Variants in SV2C observed in about 807,000 individuals in gnomAD.
SV2C encodes synaptic vesicle glycoprotein 2C, also known as solute carrier family 22 member B3.
Under a neutral mutation model 79.7 loss-of-function variants are expected in SV2C, and 49 were observed. That is an observed-to-expected ratio of 0.61 (90% CI 0.49 to 0.78). The LOEUF is 0.78. Among genes scored for constraint, SV2C ranks in the 30% least tolerant of loss-of-function variants. The pLI is 0.00. For missense variants in SV2C, 833 were observed against 912.9 expected, an observed-to-expected ratio of 0.91 and a Z score of 1.13; for synonymous variants, 334 against 333.2, an observed-to-expected ratio of 1.00 and a Z score of -0.03.
rs1476687795 is a variant in SV2C at position 76,132,044 on chromosome 5, T to C, written c.294T>C (p.Ser98=). 1 of 1,611,938 alleles carries C rather than the reference T, an allele frequency of 6.2e-7. No homozygotes were observed. The highest frequency in any genetic ancestry group is 8.5e-7 in the Non-Finnish European group (1 of 1,178,894). The change falls in exon 2 of 13, where the codon AGT becomes AGC. Residue 98 remains serine, a synonymous_variant. Coordinates refer to ENST00000502798, the MANE Select transcript of SV2C (RefSeq NM_014979.4). ...AGGGGGAGTATCAGGGCATCCCCAG[T>C]ATGAACCAAGCGAAGGACAGCATCG... The part of the protein sequence containing the change: ...IYEGEYQGIP[S]MNQAKDSIVS...
chr5:76,304,799 C>T (rs1219678780), intron 12 of SV2C, among the ~76,000 whole-genome samples: 1 of 152,146 alleles, frequency 6.6e-6, no homozygotes, highest in Non-Finnish European at 1.5e-5. Context: ...CAGGGAGAAG[C>T]CCTCATGACC....
chr5:75,920,401 C>T, the SV2C span, among the ~76,000 whole-genome samples: 5 of 152,142 alleles, frequency 3.3e-5, no homozygotes, highest in Non-Finnish European at 5.9e-5. Context: ...AAAATAAATG[C>T]AGTTGCATGG....
chr5:76,074,445 A>G, the SV2C span, among the ~76,000 whole-genome samples: 1 of 152,304 alleles, frequency 6.6e-6, no homozygotes, highest in Admixed American at 6.5e-5. Flanking sequence ...AGATGTGCAG[A>G]TAATATAGGA....
At chr5:75,915,073 C>T in the SV2C span, among the ~76,000 whole-genome samples, 1 of 152,156 alleles carries the variant, frequency 6.6e-6, no homozygotes, top group Non-Finnish European at 1.5e-5. Flanking sequence ...GGAAAGATCC[C>T]CCCATGATTC....
At chr5:75,892,891 G>T in the SV2C span, among the ~76,000 whole-genome samples, 17 of 152,176 alleles carry the variant, frequency 1.1e-4, no homozygotes, top group Middle Eastern at 3.4e-3. Flanking sequence ...ACATATGAGT[G>T]CATGTGTCTT....
the SV2C span, among the ~76,000 whole-genome samples, chr5:75,978,124 T>C: frequency 6.6e-6 from 1 of 152,212 alleles, no homozygotes; most frequent in South Asian, 2.1e-4. Context: ...AGGTCACCAA[T>C]GACCCCCATA....
the SV2C span, among the ~76,000 whole-genome samples, chr5:75,899,327 C>T: frequency 6.6e-6 from 1 of 152,084 alleles, no homozygotes; most frequent in Non-Finnish European, 1.5e-5. Flanking sequence ...TCGTTATGTA[C>T]CCAGTAGTCA....
the SV2C span, among the ~76,000 whole-genome samples, chr5:75,931,725 A>G: frequency 6.6e-6 from 1 of 152,214 alleles, no homozygotes; most frequent in Non-Finnish European, 1.5e-5. Context: ...CACTTGGATA[A>G]ATAAAATTTG....
chr5:76,017,325 C>T, the SV2C span, among the ~76,000 whole-genome samples: 70 of 152,216 alleles, frequency 4.6e-4, no homozygotes, highest in Middle Eastern at 3.4e-3. Flanking sequence ...CTTGCTCTGT[C>T]GCCCAGGCTG....
chr5:76,259,531 A>G (rs765878101), intron 4 of SV2C, among the ~76,000 whole-genome samples: 7 of 152,130 alleles, frequency 4.6e-5, no homozygotes, highest in Admixed American at 3.9e-4. Context: ...TGCTGCACCC[A>G]TCAACCTGTC....
chr5:75,928,257 T>C, the SV2C span, among the ~76,000 whole-genome samples: 10 of 152,188 alleles, frequency 6.6e-5, no homozygotes, highest in Admixed American at 1.3e-4. Context: ...GTCCTTGTCA[T>C]TAATTTTATT....
the SV2C span, among the ~76,000 whole-genome samples, chr5:75,988,710 C>T: frequency 9.9e-5 from 15 of 151,918 alleles, no homozygotes; most frequent in African/African-American, 2.9e-4. Flanking sequence ...GAACAAAAGG[C>T]CTGAAGGAAA....
intron 12 of SV2C, among the ~76,000 whole-genome samples, chr5:76,340,264 T>A (rs946819401): frequency 6.6e-6 from 1 of 152,202 alleles, no homozygotes; most frequent in Non-Finnish European, 1.5e-5. Flanking sequence ...AGCATATAAG[T>A]AAGAAATAAC....
rs1749035775 is a variant in SV2C at position 76,327,171 on chromosome 5, A to T, written c.*1624A>T. The T allele has an allele frequency of 6.6e-6, 1 of 152,048 alleles. No homozygotes were observed. The highest frequency in any genetic ancestry group is 2.4e-5 in the African/African-American group (1 of 41,388). 9.4% of individuals were successfully genotyped at this position (152,048 alleles called of 1,614,324 possible). The stretch of plus-strand genomic sequence containing the variant: ...CCTCCCCTTCCTAATGATCCCTCGC[A>T]GAGCTCAGACTAAGTGAAAAGCTTC... On this transcript the variant is annotated 3_prime_UTR_variant, in exon 13 of 13. Transcript: ENST00000502798.
exon 13 of SV2C, chr5:76,353,732 G>C (rs1470192332): frequency 2.6e-5 from 4 of 152,128 alleles, no homozygotes. Flanking sequence ...TGATTAAGTG[G>C]CTTTTCCCTT....
At chr5:76,275,701 T>G (rs1324460317) in intron 4 of SV2C, among the ~76,000 whole-genome samples, 1 of 152,162 alleles carries the variant, frequency 6.6e-6, no homozygotes, top group Non-Finnish European at 1.5e-5. Flanking sequence ...ACAGAGCACA[T>G]CAGCTTAAGG....
chr5:76,325,213 A>G (rs562617722), intron 12 of SV2C, 151 bp from the exon 13 acceptor site: 12 of 762,482 alleles, frequency 1.6e-5, no homozygotes, highest in African/African-American at 1.4e-4. Flanking sequence ...AGGATTCTCT[A>G]CTCCCAGATT....
At chr5:76,113,225 A>G (rs1580275451) in intron 1 of SV2C, among the ~76,000 whole-genome samples, 1 of 152,336 alleles carries the variant, frequency 6.6e-6, no homozygotes, top group Middle Eastern at 3.4e-3. Context: ...ACCTCACTCC[A>G]TAATATCATA....
At chr5:76,291,685 T>G (rs968861312) in intron 7 of SV2C, 83 bp from the exon 8 acceptor site, 4 of 933,670 alleles carry the variant, frequency 4.3e-6, no homozygotes, top group Non-Finnish European at 6.6e-6. Flanking sequence ...AACTCAGCAT[T>G]TTTTATAATT....
Sources: gnomAD v4.1 joint callset for allele counts (sites outside exome capture counted in the v4.1 genomes callset) on GRCh38, gnomAD v4.1.1 for gene constraint, MANE v1.5 for transcripts, NCBI Gene and HGNC (gene_info 2026-07-23, HGNC 2026-07-21) for gene names.